BANP: variants seen among roughly 807,000 people sequenced by gnomAD.
BANP encodes the protein protein BANP.
Under a neutral mutation model 68.1 loss-of-function variants are expected in BANP, and 11 were observed. The ratio of observed to expected loss-of-function variants is 0.16; its 90% CI spans 0.10 to 0.27. BANP has a LOEUF of 0.27. Among genes scored for constraint, BANP ranks in the 10% least tolerant of loss-of-function variants. BANP has a pLI of 1.00. For synonymous variants in BANP, 329 were observed against 303.2 expected (o/e 1.09, Z -0.88); for missense variants, 504 against 722.7 (o/e 0.70, Z 3.47).
intron 6 of BANP, among the ~76,000 whole-genome samples, chr16:88,015,657 G>A (rs948959818): frequency 6.6e-6 from 1 of 152,248 alleles, no homozygotes; most frequent in Non-Finnish European, 1.5e-5. Flanking sequence ...CTCCCTGTTC[G>A]CTTGCAGGCC....
rs75427470 is a variant in BANP, at chr16:88,020,553, T to C, written c.895+1886T>C. On this transcript the variant is annotated intron_variant, in intron 7 of 13. Transcript: ENST00000682872. ...ACGTCTGCAACCTGAGAGGTGGCATTGTGGGGTGTCGCAGGAGTGTCAGGC... is the reference window on the plus strand; with the variant it reads ...ACGTCTGCAACCTGAGAGGTGGCATCGTGGGGTGTCGCAGGAGTGTCAGGC... Among the ~76,000 whole-genome samples, 1,343 of 152,292 alleles carry C rather than the reference T, an allele frequency of 8.8e-3. 4 individuals carry two copies. Among genetic ancestry groups the C allele is most frequent in the Admixed American group, 0.014 (214 of 15,300 alleles).
At chr16:88,028,111 T>G (rs1293810631) in intron 8 of BANP, among the ~76,000 whole-genome samples, 1 of 152,252 alleles carries the variant, frequency 6.6e-6, no homozygotes, top group Admixed American at 6.5e-5. Flanking sequence ...CAGGCATCGC[T>G]GGGGGGATTG....
chr16:88,007,477 G>C (rs73244830), intron 6 of BANP, among the ~76,000 whole-genome samples: 8,659 of 152,300 alleles, frequency 0.057, 800 homozygotes, highest in African/African-American at 0.19. Flanking sequence ...TTTCAGAGCC[G>C]TCTTCCCCTG....
At chr16:88,067,060 GCTCT>G (rs10534156) in intron 12 of BANP, among the ~76,000 whole-genome samples, 1,936 of 152,298 alleles carry the variant, frequency 0.013, 60 homozygotes, top group East Asian at 0.042. Flanking sequence ...ATGCACACTC[GCTCT>G]CTTTTTTATT....
intron 11 of BANP, among the ~76,000 whole-genome samples, chr16:88,044,943 C>G (rs1183299043): frequency 6.6e-6 from 1 of 151,982 alleles, no homozygotes; most frequent in Non-Finnish European, 1.5e-5. Flanking sequence ...GATCGCGCCA[C>G]TGCACTCCAG....
chr16:87,972,761 TG>T (rs1445480715), intron 1 of BANP, among the ~76,000 whole-genome samples: 2 of 152,222 alleles, frequency 1.3e-5, no homozygotes, highest in Admixed American at 1.3e-4. Context: ...CATGTTCCTT[TG>T]TCTCTAGTTT....
Position 88,036,449 on chromosome 16 carries a change from G to T in BANP, c.1272+1055G>T, listed in dbSNP as rs1012606098. ...CTGCCATCGGGGACTCACAGCGGGC[G>T]CAGAGCCTCCTGCCCAAGTGCCCGT... On this transcript the variant is annotated intron_variant, in intron 10 of 13. Coordinates refer to ENST00000682872, the MANE Select transcript of BANP (RefSeq NM_001386991.1). The surrounding 1 kb of genome is among the most constrained non-coding windows in gnomAD (Gnocchi z 4.2). Among the ~76,000 whole-genome samples the T allele has an allele frequency of 6.6e-6, 1 of 152,140 alleles. No homozygotes were observed. The highest frequency in any genetic ancestry group is 1.5e-5 in the Non-Finnish European group (1 of 68,026).
chr16:87,982,447 C>T (rs968844850), intron 3 of BANP, among the ~76,000 whole-genome samples: 2 of 152,188 alleles, frequency 1.3e-5, no homozygotes, highest in African/African-American at 2.4e-5. Context: ...TGATGTTCTC[C>T]GGTTGTTGAA....
intron 7 of BANP, among the ~76,000 whole-genome samples, chr16:88,025,153 G>T (rs537154875): frequency 3.8e-4 from 58 of 152,306 alleles, no homozygotes; most frequent in Non-Finnish European, 7.2e-4. Context: ...CCCTCCCGGT[G>T]GCAGCAGCTG....
chr16:87,964,664 C>G (rs1256239891), intron 1 of BANP, among the ~76,000 whole-genome samples: 1 of 152,204 alleles, frequency 6.6e-6, no homozygotes, highest in Non-Finnish European at 1.5e-5. Context: ...GCCTTGAGCG[C>G]TCTTTATCGT....
intron 7 of BANP, among the ~76,000 whole-genome samples, chr16:88,020,918 C>T (rs1047378496): frequency 6.6e-6 from 1 of 152,188 alleles, no homozygotes; most frequent in African/African-American, 2.4e-5. Context: ...AGAGCAGAGT[C>T]CATGGCGGTG....
intron 8 of BANP, 136 bp downstream of exon 8, chr16:88,027,786 C>A (rs376928761): frequency 2.8e-6 from 3 of 1,071,012 alleles, no homozygotes; most frequent in Admixed American, 5.5e-5. Flanking sequence ...TTGCGCGGTG[C>A]GCACGGAGCA....
At position 88,004,943 on chromosome 16, in the gene BANP, G is replaced by A. The variant is rs1381887264; in HGVS notation, c.479+532G>A. Among the ~76,000 whole-genome samples, 1 of 152,200 alleles carries A rather than the reference G, an allele frequency of 6.6e-6. No homozygotes were observed. Among genetic ancestry groups the A allele is most frequent in the Non-Finnish European group, 1.5e-5 (1 of 68,046 alleles). On this transcript the variant is annotated intron_variant, in intron 5 of 13. Transcript: ENST00000682872. This position sits in a 1 kb window ranked among gnomAD's most constrained non-coding sequence, Gnocchi z 7.0. ...GAAGGCTGTGCAGTGGCCTCTGGCT[G>A]GCATCCAAGCCCTGCTGTCCCCAGG...
In BANP at chr16:88,065,283, G is replaced by A. The variant is rs1236678026; in HGVS notation, c.1328G>A (p.Arg443His). The change falls in exon 12 of 14, where the codon CGC becomes CAC. Residue 443 changes from arginine to histidine, a missense_variant. Physicochemically the swap from Arg to His is conservative, Grantham distance 29 (BLOSUM62 0). Transcript: ENST00000682872. ...GQDGQLLEAT[R>H]IPCLLAPSVF... ...CTTTTCCAGCTTCTAGAGGCCACCCGCATCCCCTGCCTCCTGGCCCCATCC... is the reference window on the plus strand; with the variant it reads ...CTTTTCCAGCTTCTAGAGGCCACCCACATCCCCTGCCTCCTGGCCCCATCC... 5.2e-6 allele frequency: 4 copies of A among 766,030 alleles called. No homozygotes were observed. Among genetic ancestry groups the A allele is most frequent in the African/African-American group, 1.7e-5 (1 of 59,026 alleles). The allele number at this position is 766,030 out of a possible 1,614,324, so 47.5% of individuals were successfully genotyped here. A position where few individuals can be genotyped will look rare whatever the true frequency, so the allele number is the denominator to read the frequency against.
intron 2 of BANP, among the ~76,000 whole-genome samples, chr16:87,979,015 C>T (rs1472198839): frequency 6.6e-6 from 1 of 152,180 alleles, no homozygotes; most frequent in Non-Finnish European, 1.5e-5. Context: ...TGGTCCTTGG[C>T]TTTGGATGAT....
rs1318661891 is a variant in BANP at position 87,951,480 on chromosome 16, C to G, written c.-104C>G. ...AGGACGGACGCCATTATCGCATCTC[C>G]CCGACAAACACCACGAGAATTCCGC... On this transcript the variant is annotated 5_prime_UTR_variant, in exon 1 of 14. Transcript: ENST00000682872. 1 of 152,370 alleles carries G rather than the reference C, an allele frequency of 6.6e-6. No homozygotes were observed. Among genetic ancestry groups the G allele is most frequent in the Admixed American group, 6.6e-5 (1 of 15,232 alleles). 9.4% of individuals were successfully genotyped at this position (152,370 alleles called of 1,614,324 possible).
At chr16:88,026,087 T>TTC (rs1567794817) in intron 7 of BANP, among the ~76,000 whole-genome samples, 4 of 151,618 alleles carry the variant, frequency 2.6e-5, no homozygotes, top group African/African-American at 9.7e-5. Flanking sequence ...GTTTTCTCCC[T>TTC]GTTGAATACA....
chr16:87,968,826 G>A (rs1404922170), intron 1 of BANP, among the ~76,000 whole-genome samples: 24 of 152,054 alleles, frequency 1.6e-4, no homozygotes, highest in Non-Finnish European at 2.9e-5. Flanking sequence ...TCCCCCCACA[G>A]CTTAGATCTG....
intron 1 of BANP, among the ~76,000 whole-genome samples, chr16:87,969,158 G>T (rs2060658940): frequency 6.6e-6 from 1 of 152,100 alleles, no homozygotes; most frequent in Non-Finnish European, 1.5e-5. Flanking sequence ...GAAGCTGCGT[G>T]GTATATTCCA....
Sources: allele counts gnomAD v4.1 joint callset (sites outside exome capture counted in the v4.1 genomes callset), GRCh38; gene constraint gnomAD v4.1.1; non-coding constraint Gnocchi (gnomAD v3.1); transcripts MANE v1.5; gene names NCBI Gene and HGNC (gene_info 2026-07-23, HGNC 2026-07-21).